ZBTB7C: variants seen among roughly 807,000 people sequenced by gnomAD.
The protein encoded by ZBTB7C is zinc finger and BTB domain-containing protein 7C.
Under a neutral mutation model 25.7 loss-of-function variants are expected in ZBTB7C, and 8 were observed. That is an observed-to-expected ratio of 0.31 (90% CI 0.18 to 0.56). The LOEUF (loss-of-function observed/expected upper bound fraction) is 0.56, where lower values mean the gene tolerates loss of function less well. Ranked by LOEUF, ZBTB7C falls within the 20% of genes least tolerant of loss-of-function variation. The probability of loss-of-function intolerance (pLI) is 0.91; values close to 1 mark genes in which losing one functional copy is unlikely to be tolerated. For synonymous variants in ZBTB7C, 394 were observed against 369.0 expected, an observed-to-expected ratio of 1.07 and a Z score of -0.78; for missense variants, 824 against 855.2, an observed-to-expected ratio of 0.96 and a Z score of 0.46.
chr18:48,139,419 A>C (rs552371644), intron 3 of ZBTB7C, among the ~76,000 whole-genome samples: 36 of 152,200 alleles, frequency 2.4e-4, no homozygotes, highest in African/African-American at 8.4e-4. Context: ...AGGGGTGCAC[A>C]GAGTTGAGGT....
intron 3 of ZBTB7C, among the ~76,000 whole-genome samples, chr18:48,136,422 C>A (rs2040163729): frequency 6.6e-6 from 1 of 152,212 alleles, no homozygotes; most frequent in Non-Finnish European, 1.5e-5. Context: ...TCCCGCCGCG[C>A]GCCTAGCTGG....
At chr18:48,338,972 G>T (rs2046527496) in intron 1 of ZBTB7C, among the ~76,000 whole-genome samples, 1 of 151,500 alleles carries the variant, frequency 6.6e-6, no homozygotes, top group African/African-American at 2.4e-5. Context: ...TCTTTTCATA[G>T]TTCGTCATCT....
intron 2 of ZBTB7C, among the ~76,000 whole-genome samples, chr18:48,306,383 C>T (rs1227948970): frequency 6.6e-6 from 1 of 152,212 alleles, no homozygotes; most frequent in South Asian, 2.1e-4. Flanking sequence ...TAAATATACA[C>T]AACATCAAAT....
chr18:48,156,018 A>G (rs902365190), intron 3 of ZBTB7C, among the ~76,000 whole-genome samples: 1 of 152,230 alleles, frequency 6.6e-6, no homozygotes, highest in Non-Finnish European at 1.5e-5. Context: ...GCTATTGGCT[A>G]ATCTCCTCCA....
chr18:48,339,639 A>T (rs1423942903), intron 1 of ZBTB7C, among the ~76,000 whole-genome samples: 1 of 152,004 alleles, frequency 6.6e-6, no homozygotes, highest in East Asian at 1.9e-4. Context: ...CTTCCTTCCA[A>T]GTCACCTCAG....
intron 3 of ZBTB7C, among the ~76,000 whole-genome samples, chr18:48,145,543 C>T (rs900273387): frequency 5.3e-5 from 8 of 152,200 alleles, no homozygotes; most frequent in Non-Finnish European, 2.9e-5. Flanking sequence ...TGGTAAAAAG[C>T]TTTTGCTGTC....
intron 1 of ZBTB7C, among the ~76,000 whole-genome samples, chr18:48,357,750 A>G (rs2047008822): frequency 6.6e-6 from 1 of 152,238 alleles, no homozygotes; most frequent in Admixed American, 6.5e-5. Context: ...GTGGCCTGAG[A>G]CAACAAAAGT....
At chr18:48,132,966 G>T (rs1189735944) in intron 3 of ZBTB7C, among the ~76,000 whole-genome samples, 1 of 152,248 alleles carries the variant, frequency 6.6e-6, no homozygotes, top group African/African-American at 2.4e-5. Flanking sequence ...CATCTGGTTT[G>T]CATCTAATTT....
intron 2 of ZBTB7C, among the ~76,000 whole-genome samples, chr18:48,191,494 G>T (rs1183541647): frequency 1.3e-5 from 2 of 152,240 alleles, no homozygotes; most frequent in Non-Finnish European, 2.9e-5. Context: ...CTCAGCTGGG[G>T]CCAGCAAGGC....
chr18:48,367,361 TATATATATATAA>T (rs1324740870), intron 1 of ZBTB7C, among the ~76,000 whole-genome samples: 7 of 132,908 alleles, frequency 5.3e-5, no homozygotes, highest in Admixed American at 7.6e-5. Context: ...TATATATATA[TATATATATATAA>T]AATACAAACA....
chr18:48,321,536 T>A (rs2046092596), intron 2 of ZBTB7C, among the ~76,000 whole-genome samples: 1 of 152,206 alleles, frequency 6.6e-6, no homozygotes, highest in Non-Finnish European at 1.5e-5. Context: ...GCAGCTCAGA[T>A]ATCTGCAATC....
intron 2 of ZBTB7C, among the ~76,000 whole-genome samples, chr18:48,201,432 G>C (rs1568298636): frequency 6.6e-6 from 1 of 152,120 alleles, no homozygotes; most frequent in African/African-American, 2.4e-5. Flanking sequence ...GTCCATTCCT[G>C]TGATGACATC....
chr18:48,180,120 C>CTTCCTTCCTTCCT (rs2041868998), intron 3 of ZBTB7C, among the ~76,000 whole-genome samples: 2 of 122,674 alleles, frequency 1.6e-5, no homozygotes, highest in Admixed American at 1.7e-4. Flanking sequence ...CCTTTCCTTC[C>CTTCCTTCCTTCCT]TTCCTTCCTT....
intron 2 of ZBTB7C, among the ~76,000 whole-genome samples, chr18:48,217,628 C>T (rs1599123007): frequency 2.6e-5 from 4 of 152,226 alleles, no homozygotes; most frequent in Admixed American, 2.6e-4. Flanking sequence ...CCTGAAAAGC[C>T]CCATTTCTTC....
chr18:48,389,827 C>T (rs192444987), intron 1 of ZBTB7C, among the ~76,000 whole-genome samples: 70 of 152,264 alleles, frequency 4.6e-4, no homozygotes, highest in African/African-American at 1.5e-3. Flanking sequence ...GTGCCTGGCA[C>T]GAAGAGGCAC....
upstream of ZBTB7C, among the ~76,000 whole-genome samples, chr18:48,412,263 G>C (rs1249071950): frequency 3.3e-5 from 5 of 152,172 alleles, no homozygotes; most frequent in African/African-American, 1.2e-4. Context: ...TGAGAATTGG[G>C]ATCAAATTTT....
At chr18:48,263,321 C>T (rs1041609040) in intron 2 of ZBTB7C, among the ~76,000 whole-genome samples, 1 of 152,240 alleles carries the variant, frequency 6.6e-6, no homozygotes, top group Non-Finnish European at 1.5e-5. Context: ...GGCACCAGCA[C>T]GAGCAACTCG....
At chr18:48,362,248 C>T (rs2047123325) in intron 1 of ZBTB7C, among the ~76,000 whole-genome samples, 1 of 152,226 alleles carries the variant, frequency 6.6e-6, no homozygotes, top group Admixed American at 6.5e-5. Flanking sequence ...CTGACAGTCC[C>T]TTTTCTCCCC....
intron 1 of ZBTB7C, among the ~76,000 whole-genome samples, chr18:48,382,285 G>A (rs1769992538): frequency 6.6e-6 from 1 of 152,182 alleles, no homozygotes; most frequent in Non-Finnish European, 1.5e-5. Flanking sequence ...GATGGAGATA[G>A]GCTAGGAAAG....
Sources: gnomAD v4.1 joint callset for allele counts (sites outside exome capture counted in the v4.1 genomes callset) on GRCh38, gnomAD v4.1.1 for gene constraint, MANE v1.5 for transcripts, NCBI Gene and HGNC (gene_info 2026-07-23, HGNC 2026-07-21) for gene names.